The following NBAS variants were observed in gnomAD, a reference collection of about 807,000 sequenced individuals.
NBAS encodes the protein NAG/BC035112 fusion.
A neutral mutation model predicts 302.5 loss-of-function variants in NBAS; 219 were observed. The observed-to-expected ratio is 0.72, with a 90% confidence interval of 0.65 to 0.81. NBAS has a LOEUF of 0.81. NBAS is among the 30% of genes least tolerant of loss of function. The pLI is 0.00. For missense variants in NBAS, 2,932 were observed against 2,841.6 expected, an observed-to-expected ratio of 1.03 and a Z score of -0.72; for synonymous variants, 1,118 against 1,021.6, an observed-to-expected ratio of 1.09 and a Z score of -1.80.
chr2:15,440,233 G>A (rs578068911), intron 21 of NBAS, among the ~76,000 whole-genome samples: 42 of 152,272 alleles, frequency 2.8e-4, no homozygotes, highest in Admixed American at 1.7e-3. Flanking sequence ...CCTGACCCCC[G>A]AGCAGCCTAA....
intron 25 of NBAS, among the ~76,000 whole-genome samples, chr2:15,407,496 T>C (rs890677398): frequency 6.6e-6 from 1 of 152,144 alleles, no homozygotes; most frequent in African/African-American, 2.4e-5. Context: ...CCTGATCAGA[T>C]GACAGTGACT....
At chr2:14,975,617 C>T in the NBAS span, among the ~76,000 whole-genome samples, 1 of 152,124 alleles carries the variant, frequency 6.6e-6, no homozygotes, top group African/African-American at 2.4e-5. Context: ...CATAATGAGT[C>T]ACTCACAAAA....
chr2:15,181,609 T>G (rs544810592), intron 50 of NBAS, among the ~76,000 whole-genome samples: 7 of 152,262 alleles, frequency 4.6e-5, no homozygotes, highest in African/African-American at 1.7e-4. Context: ...TGTCAGACCA[T>G]GAGGACAGAA....
the NBAS span, among the ~76,000 whole-genome samples, chr2:15,157,680 G>T: frequency 6.6e-6 from 1 of 152,218 alleles, no homozygotes; most frequent in Admixed American, 6.5e-5. Context: ...GAGAAGAGGT[G>T]GTCTTGAAAT....
chr2:14,799,911 T>G, the NBAS span, among the ~76,000 whole-genome samples: 1 of 152,190 alleles, frequency 6.6e-6, no homozygotes, highest in Non-Finnish European at 1.5e-5. Flanking sequence ...TGGATTATCT[T>G]TTACCATTGT....
the NBAS span, among the ~76,000 whole-genome samples, chr2:14,995,411 C>T: frequency 3.3e-5 from 5 of 152,146 alleles, no homozygotes. Flanking sequence ...TAAACAGCTC[C>T]CCTGGAGATT....
the NBAS span, among the ~76,000 whole-genome samples, chr2:15,050,366 A>G: frequency 1.3e-5 from 2 of 151,070 alleles, no homozygotes; most frequent in African/African-American, 2.4e-5. Flanking sequence ...TCCTTTATCC[A>G]AAACCCTTGT....
In NBAS at chr2:15,453,500, T is replaced by C. The variant is rs370058217; in HGVS notation, c.2339+7701A>G. On this transcript the variant is annotated intron_variant, in intron 21 of 51. Transcript: ENST00000281513. ...CTAAACCACTGGTGACCTAAAATTG[T>C]TCACTCAGTCACTTTTTAGCCTTAC... Among the ~76,000 whole-genome samples the C allele has an allele frequency of 1.4e-4, 22 of 152,342 alleles. 1 individual carries two copies. The highest frequency in any genetic ancestry group is 1.3e-3 in the East Asian group (7 of 5,186).
chr2:15,344,211 T>G (rs1672983779), intron 35 of NBAS, among the ~76,000 whole-genome samples: 1 of 151,748 alleles, frequency 6.6e-6, no homozygotes, highest in Non-Finnish European at 1.5e-5. Flanking sequence ...TATATAGGAA[T>G]GGCTTTAATA....
intron 35 of NBAS, among the ~76,000 whole-genome samples, chr2:15,346,089 C>G (rs768203386): frequency 3.3e-5 from 5 of 152,118 alleles, no homozygotes; most frequent in Non-Finnish European, 5.9e-5. Flanking sequence ...TTCAGGACAT[C>G]GGCAAGGGCA....
intron 32 of NBAS, among the ~76,000 whole-genome samples, chr2:15,357,940 T>C (rs58996962): frequency 6.6e-6 from 1 of 152,152 alleles, no homozygotes; most frequent in South Asian, 2.1e-4. Context: ...GCCATTCTTC[T>C]GTGCTCTCAT....
intron 7 of NBAS, 97 bp from the exon 8 acceptor site, chr2:15,536,648 G>T: frequency 9.0e-7 from 1 of 1,105,546 alleles, no homozygotes; most frequent in Non-Finnish European, 1.3e-6. Context: ...CTGGCTTCAG[G>T]TACACTTTAT....
At chr2:15,359,791 C>T (rs1261527019) in intron 32 of NBAS, among the ~76,000 whole-genome samples, 1 of 152,010 alleles carries the variant, frequency 6.6e-6, no homozygotes, top group Non-Finnish European at 1.5e-5. Context: ...ATGCTCAATA[C>T]CCAGCATCAA....
chr2:15,204,690 T>C (rs1276424450), intron 48 of NBAS, among the ~76,000 whole-genome samples: 1 of 152,092 alleles, frequency 6.6e-6, no homozygotes, highest in Non-Finnish European at 1.5e-5. Context: ...TAAAAAAGGA[T>C]GAGTTCATGT....
chr2:15,142,898 T>C, the NBAS span, among the ~76,000 whole-genome samples: 8 of 152,308 alleles, frequency 5.3e-5, no homozygotes, highest in South Asian at 6.2e-4. Flanking sequence ...ATCCCTCCGT[T>C]TTGCTAATAG....
the NBAS span, among the ~76,000 whole-genome samples, chr2:15,026,900 T>A: frequency 0.33 from 49,649 of 152,090 alleles, 9,792 homozygotes; most frequent in East Asian, 0.57. Context: ...GTTTCTTAAA[T>A]ACTAGTCTCA....
chr2:15,441,829 A>C (rs1310514946), intron 21 of NBAS, among the ~76,000 whole-genome samples: 1 of 152,042 alleles, frequency 6.6e-6, no homozygotes, highest in African/African-American at 2.4e-5. Context: ...AAGCAAATGG[A>C]AAACAAAAAA....
At chr2:15,086,278 G>T in the NBAS span, among the ~76,000 whole-genome samples, 398 of 152,248 alleles carry the variant, frequency 2.6e-3, 3 homozygotes, top group Middle Eastern at 0.01. Flanking sequence ...CCCACTCCAG[G>T]GTCTCCTCTC....
At chr2:15,208,177 G>A (rs899578397) in intron 48 of NBAS, among the ~76,000 whole-genome samples, 2 of 152,150 alleles carry the variant, frequency 1.3e-5, no homozygotes, top group Non-Finnish European at 2.9e-5. Flanking sequence ...GGCTGGGAAG[G>A]CCTCACAATC....
Sources: allele counts gnomAD v4.1 joint callset (sites outside exome capture counted in the v4.1 genomes callset), GRCh38; gene constraint gnomAD v4.1.1; transcripts MANE v1.5; gene names NCBI Gene and HGNC (gene_info 2026-07-23, HGNC 2026-07-21).